The following METTL15 variants were observed in gnomAD, a reference collection of about 807,000 sequenced individuals.
METTL15 encodes 12S rRNA N(4)-cytidine methyltransferase METTL15.
In METTL15, 34 loss-of-function variants were observed where a neutral mutation model predicts 38.3. That is an observed-to-expected ratio of 0.89 (90% CI 0.68 to 1.18). The LOEUF (loss-of-function observed/expected upper bound fraction) is 1.18, where lower values mean the gene tolerates loss of function less well. Ranked by LOEUF, METTL15 falls within the 50% of genes most tolerant of loss-of-function variation. The pLI is 0.00. For missense variants in METTL15, 438 were observed against 498.4 expected (o/e 0.88, Z 1.15); for synonymous variants, 162 against 170.9 (o/e 0.95, Z 0.41).
At chr11:28,137,685 A>G (rs976117976) in intron 3 of METTL15, among the ~76,000 whole-genome samples, 1 of 152,216 alleles carries the variant, frequency 6.6e-6, no homozygotes, top group African/African-American at 2.4e-5. Context: ...TTCAGATCAC[A>G]TATTTACATT....
chr11:28,355,154 C>T (rs557074420), intron 4 of METTL15, among the ~76,000 whole-genome samples: 5 of 152,306 alleles, frequency 3.3e-5, no homozygotes, highest in Middle Eastern at 6.8e-3. Context: ...CTCAATGGCA[C>T]CTTCTCCCTT....
chr11:28,165,330 C>T (rs919022559), intron 3 of METTL15, among the ~76,000 whole-genome samples: 2 of 151,964 alleles, frequency 1.3e-5, no homozygotes, highest in Non-Finnish European at 2.9e-5. Flanking sequence ...TTTCCACATC[C>T]TCGAAAACAC....
chr11:28,398,522 G>A (rs911082633), intron 5 of METTL15, among the ~76,000 whole-genome samples: 2 of 151,674 alleles, frequency 1.3e-5, no homozygotes, highest in African/African-American at 2.4e-5. Context: ...TTTTGATGGG[G>A]TTGTTTTTTC....
At chr11:28,531,431 A>C (rs1209456561), downstream of METTL15, among the ~76,000 whole-genome samples, 1 of 152,036 alleles carries the variant, frequency 6.6e-6, no homozygotes, top group Non-Finnish European at 1.5e-5. Flanking sequence ...AGACCACTCC[A>C]AACCACTGAG....
intron 6 of METTL15, among the ~76,000 whole-genome samples, chr11:28,460,809 G>T (rs1403785831): frequency 6.6e-6 from 1 of 152,032 alleles, no homozygotes; most frequent in Non-Finnish European, 1.5e-5. Flanking sequence ...AGAGGATTAG[G>T]TTTCCTAGTT....
intron 4 of METTL15, among the ~76,000 whole-genome samples, chr11:28,228,352 C>T (rs1211432511): frequency 4.5e-4 from 68 of 151,780 alleles, no homozygotes; most frequent in Admixed American, 4.4e-3. Context: ...GAATAGGTTA[C>T]TTAACCACTC....
chr11:28,358,970 A>G (rs1415809556), intron 4 of METTL15, among the ~76,000 whole-genome samples: 2 of 152,090 alleles, frequency 1.3e-5, no homozygotes, highest in African/African-American at 2.4e-5. Flanking sequence ...GTACATGTGT[A>G]GGTTTGTGAC....
At chr11:28,195,040 T>G (rs1851860372) in intron 3 of METTL15, among the ~76,000 whole-genome samples, 2 of 152,110 alleles carry the variant, frequency 1.3e-5, no homozygotes, top group Admixed American at 6.6e-5. Flanking sequence ...TTTCTTCATT[T>G]TTTTTGGTTG....
chr11:28,373,668 A>G (rs1299076532), intron 5 of METTL15, among the ~76,000 whole-genome samples: 1 of 152,170 alleles, frequency 6.6e-6, no homozygotes, highest in African/African-American at 2.4e-5. Context: ...AGTTTAATTG[A>G]ATTAAATCCC....
chr11:28,205,593 A>G (rs1385401454), intron 3 of METTL15, among the ~76,000 whole-genome samples: 2 of 152,064 alleles, frequency 1.3e-5, no homozygotes. Flanking sequence ...TTATAGCAGC[A>G]TGATTTATCG....
At chr11:28,426,891 A>G (rs541405377) in intron 6 of METTL15, among the ~76,000 whole-genome samples, 4 of 151,870 alleles carry the variant, frequency 2.6e-5, no homozygotes, top group African/African-American at 7.2e-5. Context: ...CTGTAGGTTG[A>G]CAGTTCACTC....
At chr11:28,347,434 C>T (rs1850005508) in intron 3 of METTL15, among the ~76,000 whole-genome samples, 1 of 152,330 alleles carries the variant, frequency 6.6e-6, no homozygotes, top group African/African-American at 2.4e-5. Context: ...AATCTCATGG[C>T]TCTTCCAGCC....
intron 4 of METTL15, among the ~76,000 whole-genome samples, chr11:28,358,883 ATT>A (rs1461748479): frequency 6.6e-6 from 1 of 152,184 alleles, no homozygotes; most frequent in Admixed American, 6.5e-5. Flanking sequence ...CACAGAGAAA[ATT>A]TTAGTTTTAA....
At chr11:28,454,066 A>G (rs1262942554) in intron 6 of METTL15, among the ~76,000 whole-genome samples, 4 of 152,242 alleles carry the variant, frequency 2.6e-5, no homozygotes, top group African/African-American at 9.6e-5. Context: ...TGATGTCCCA[A>G]GTAAATCCTC....
intron 3 of METTL15, among the ~76,000 whole-genome samples, chr11:28,151,304 T>G (rs1850081114): frequency 6.6e-6 from 1 of 151,988 alleles, no homozygotes. Context: ...TTCTCATCTC[T>G]TACCGTGCTG....
intron 6 of METTL15, among the ~76,000 whole-genome samples, chr11:28,487,729 C>T (rs1356235246): frequency 6.6e-6 from 1 of 152,120 alleles, no homozygotes; most frequent in East Asian, 1.9e-4. Context: ...AATCCACTGC[C>T]TTATCACCAT....
Position 28,113,440 on chromosome 11 carries a change from A to G in METTL15, c.106A>G (p.Thr36Ala), listed in dbSNP as rs1407956893. 5.6e-6 allele frequency: 9 copies of G among 1,610,376 alleles called. No homozygotes were observed. The highest frequency in any genetic ancestry group is 1.3e-5 in the African/African-American group (1 of 74,700). Reference sequence around the variant, plus strand: ...TGTCTGGCCAAACAGAATACATACTACAGCAGAAAAATATAGAGAATATGA... The same window carrying G: ...TGTCTGGCCAAACAGAATACATACTGCAGCAGAAAAATATAGAGAATATGA... ...LGVWPNRIHT[T>A]AEKYREYEAR... Residue 36 changes from threonine to alanine, a missense_variant, in exon 3 of 7, where the codon ACA becomes GCA. Physicochemically the swap from Thr to Ala is moderately conservative, Grantham distance 58 (BLOSUM62 0). Coordinates refer to ENST00000407364, the MANE Select transcript of METTL15 (RefSeq NM_001113528.2).
intron 4 of METTL15, among the ~76,000 whole-genome samples, chr11:28,245,427 G>C (rs1018104291): frequency 6.6e-6 from 1 of 152,076 alleles, no homozygotes; most frequent in Non-Finnish European, 1.5e-5. Context: ...TTCAGCATTA[G>C]ATCATGTATT....
intron 6 of METTL15, 118 bp downstream of exon 6, chr11:28,297,049 G>T: frequency 1.0e-6 from 1 of 999,198 alleles, no homozygotes; most frequent in Non-Finnish European, 1.5e-6. Context: ...CAGACTCCCT[G>T]AGGGATTCAT....
Sources: gnomAD v4.1 joint callset for allele counts (sites outside exome capture counted in the v4.1 genomes callset) on GRCh38, gnomAD v4.1.1 for gene constraint, MANE v1.5 for transcripts, NCBI Gene and HGNC (gene_info 2026-07-23, HGNC 2026-07-21) for gene names.